The following ACSM2A variants were observed in gnomAD, a reference collection of about 807,000 sequenced individuals.
ACSM2A encodes acyl-coenzyme A synthetase ACSM2A, mitochondrial.
Under a neutral mutation model 76.6 loss-of-function variants are expected in ACSM2A, and 72 were observed. The observed-to-expected ratio is 0.94, with a 90% confidence interval of 0.78 to 1.14. ACSM2A has a LOEUF of 1.14. Ranked by LOEUF, ACSM2A falls within the 50% of genes most tolerant of loss-of-function variation. The probability of loss-of-function intolerance (pLI) is 0.00; values close to 1 mark genes in which losing one functional copy is unlikely to be tolerated. For synonymous variants in ACSM2A, 249 were observed against 255.9 expected (o/e 0.97, Z 0.26); for missense variants, 684 against 708.5 (o/e 0.97, Z 0.39).
At chr16:20,460,561 C>T (rs1448063391) in intron 2 of ACSM2A, among the ~76,000 whole-genome samples, 1 of 151,908 alleles carries the variant, frequency 6.6e-6, no homozygotes, top group African/African-American at 2.4e-5. Context: ...ACTGCACATG[C>T]TCTGTTGTGA....
At chr16:20,470,863 T>A (rs372173011) in intron 4 of ACSM2A, 1 of 758,760 alleles carries the variant, frequency 1.3e-6, no homozygotes. Flanking sequence ...TAAGGTTGCA[T>A]TGATAACAAA....
chr16:20,482,281 C>A (rs1476104570), intron 12 of ACSM2A: 1 of 151,842 alleles, frequency 6.6e-6, no homozygotes, highest in East Asian at 1.9e-4. Context: ...GTATTTGAAT[C>A]AGAGTCTGAT....
At chr16:20,478,285 A>G (rs2013867989) in intron 9 of ACSM2A, among the ~76,000 whole-genome samples, 1 of 152,218 alleles carries the variant, frequency 6.6e-6, no homozygotes, top group South Asian at 2.1e-4. Flanking sequence ...CAGGTGAGGC[A>G]GGTCTCAAAG....
At chr16:20,478,471 C>A in intron 9 of ACSM2A, 105 bp from the exon 10 acceptor site, 1 of 1,369,966 alleles carries the variant, frequency 7.3e-7, no homozygotes, top group Non-Finnish European at 9.9e-7. Context: ...TCAGTCTCCA[C>A]TAGAGCAAGA....
intron 1 of ACSM2A, among the ~76,000 whole-genome samples, chr16:20,459,021 C>T (rs1236386884): frequency 4.7e-5 from 7 of 148,184 alleles, no homozygotes; most frequent in African/African-American, 1.0e-4. Flanking sequence ...TGGAGACCAT[C>T]GTTCAAAGTG....
chr16:20,469,475 C>T lies in ACSM2A; in HGVS notation c.389-37C>T, dbSNP rs1012469251. ...AGGCTTCTCTAGGGACAAAGAAAAT[C>T]ATCCTTTCCAATTCTCTAAATTGTT... On this transcript the variant is annotated intron_variant, in intron 3 of 13. Transcript: ENST00000573854. 8 of 1,610,180 alleles carry T rather than the reference C, an allele frequency of 5.0e-6. No individual in the cohort carries two copies. The African/African-American group carries it at 9.4e-5, about 19-fold the overall frequency.
chr16:20,475,870 C>T (rs377370065), intron 8 of ACSM2A, 97 bp downstream of exon 8: 30 of 1,575,792 alleles, frequency 1.9e-5, no homozygotes, highest in African/African-American at 5.5e-5. Flanking sequence ...TATCATTCAT[C>T]TATTCGAGAA....
At position 20,478,604 on chromosome 16, in the gene ACSM2A, C is replaced by T; in HGVS notation, c.1208C>T (p.Pro403Leu). The part of the protein sequence containing the change: ...QIIDDKGNVL[P>L]PGTEGDIGIR... Reference sequence around the variant, plus strand: ...ATAGATGATAAGGGCAACGTCCTGCCCCCCGGCACAGAAGGAGACATTGGC... The same window carrying T: ...ATAGATGATAAGGGCAACGTCCTGCTCCCCGGCACAGAAGGAGACATTGGC... Residue 403 changes from proline (P) to leucine (L), a missense_variant, in exon 10 of 14, where the codon CCC (proline) becomes CTC (leucine). Pro to Leu is a moderately conservative substitution (Grantham distance 98, BLOSUM62 -3). Transcript: ENST00000573854. The T allele has an allele frequency of 6.2e-7, 1 of 1,613,876 alleles. No individual in the cohort carries two copies. The highest frequency in any genetic ancestry group is 1.1e-5 in the South Asian group (1 of 91,042).
At chr16:20,462,072 G>A (rs1320323068) in intron 2 of ACSM2A, among the ~76,000 whole-genome samples, 7 of 152,138 alleles carry the variant, frequency 4.6e-5, no homozygotes, top group African/African-American at 1.7e-4. Context: ...TCTAGGTAGT[G>A]TCAGTAACTT....
At chr16:20,458,388 GATAAC>G (rs1348495382) in intron 1 of ACSM2A, among the ~76,000 whole-genome samples, 1 of 145,082 alleles carries the variant, frequency 6.9e-6, no homozygotes, top group East Asian at 2.0e-4. Context: ...TATATTTATG[GATAAC>G]ATATCTCCAT....
At chr16:20,470,225 A>G (rs575073437) in intron 4 of ACSM2A, among the ~76,000 whole-genome samples, 6 of 152,290 alleles carry the variant, frequency 3.9e-5, no homozygotes, top group South Asian at 2.1e-4. Context: ...TACTGGAACT[A>G]TGACTCAAAT....
Position 20,471,688 on chromosome 16 carries a change from A to G in ACSM2A, c.893A>G (p.Lys298Arg). The G allele has an allele frequency of 6.2e-7, 1 of 1,606,416 alleles. No individual in the cohort carries two copies. Among genetic ancestry groups the G allele is most frequent in the Non-Finnish European group, 8.5e-7 (1 of 1,175,864 alleles). The change falls in exon 6 of 14, where the codon AAG (lysine) becomes AGG (arginine). Residue 298 changes from lysine to arginine, a missense_variant and splice_region_variant. Physicochemically the swap from Lys to Arg is conservative, Grantham distance 26. Transcript: ENST00000573854. ...AAGTTTGACCCACTGGTTATTCTAAAGGTAAGAGAGGATCCAGTTTGCAGC... is the reference window on the plus strand; with the variant it reads ...AAGTTTGACCCACTGGTTATTCTAAGGGTAAGAGAGGATCCAGTTTGCAGC... ...LPKFDPLVIL[K>R]TLSSYPIKSM...
At position 20,476,012 on chromosome 16, in the gene ACSM2A, G is replaced by T. The variant is rs540468572; in HGVS notation, c.1098+239G>T. The T allele has an allele frequency of 3.2e-5, 35 of 1,104,638 alleles. No individual in the cohort carries two copies. The East Asian group carries it at 1.1e-3, about 36-fold the overall frequency. The allele number at this position is 1,104,638 out of a possible 1,614,324, so 68.4% of individuals were successfully genotyped here. A position where few individuals can be genotyped will look rare whatever the true frequency, so the allele number is the denominator to read the frequency against. ...TTTGGGGAGAGAGAAAATAAACTAA[G>T]AAATATCTAGCATGGCAGGTGGTGA... On this transcript the variant is annotated intron_variant, in intron 8 of 13. Transcript: ENST00000573854.
intron 1 of ACSM2A, among the ~76,000 whole-genome samples, chr16:20,454,714 C>G (rs2012018955): frequency 6.6e-6 from 1 of 151,778 alleles, no homozygotes; most frequent in African/African-American, 2.4e-5. Context: ...TGAGAAGGAA[C>G]CAGGAAAACG....
At position 20,481,077 on chromosome 16, in the gene ACSM2A, C is replaced by T. The variant is rs531771787; in HGVS notation, c.1509+156C>T. ...ATGTGACCTTGGGCAAGCTACTTGG[C>T]CTCTCTGTTTCTCAGTTTCCCCATC... On this transcript the variant is annotated intron_variant, in intron 12 of 13. Coordinates refer to ENST00000573854, the MANE Select transcript of ACSM2A (RefSeq NM_001308172.2). The T allele has an allele frequency of 1.1e-4, 101 of 933,706 alleles. 1 individual carries two copies. The East Asian group carries it at 2.4e-3, about 22-fold the overall frequency. The allele number at this position is 933,706 out of a possible 1,614,324, so 57.8% of individuals were successfully genotyped here. A position where few individuals can be genotyped will look rare whatever the true frequency, so the allele number is the denominator to read the frequency against.
At chr16:20,459,340 T>G (rs768522262) in intron 1 of ACSM2A, among the ~76,000 whole-genome samples, 1 of 152,182 alleles carries the variant, frequency 6.6e-6, no homozygotes, top group Non-Finnish European at 1.5e-5. Context: ...GTGCACTAGA[T>G]GGATAGGACC....
chr16:20,462,733 A>G (rs964675313), intron 2 of ACSM2A, among the ~76,000 whole-genome samples: 2 of 152,134 alleles, frequency 1.3e-5, no homozygotes, highest in African/African-American at 4.8e-5. Context: ...ATGGGTATGT[A>G]AAATGTTACA....
chr16:20,483,308 G>A (rs1449596986), intron 13 of ACSM2A, 131 bp downstream of exon 13: 21 of 1,403,122 alleles, frequency 1.5e-5, no homozygotes, highest in South Asian at 9.3e-5. Context: ...GGCAGCTCAC[G>A]CCTGTAATCC....
In ACSM2A at chr16:20,486,926, T is replaced by TA. The variant is rs1703598551; in HGVS notation, c.*252dup. 1.5e-5 allele frequency: 6 copies of TA among 391,082 alleles called. No individual in the cohort carries two copies. The South Asian group carries it at 3.0e-4, about 20-fold the overall frequency. 24.2% of individuals were successfully genotyped at this position (391,082 alleles called of 1,614,324 possible). A position where few individuals can be genotyped will look rare whatever the true frequency, so the allele number is the denominator to read the frequency against. On this transcript the variant is annotated 3_prime_UTR_variant, in exon 14 of 14. Coordinates refer to ENST00000573854, the MANE Select transcript of ACSM2A (RefSeq NM_001308172.2). ...AAAGAAAAGTAAGTCAGGGAAATAT[T>TA]AAAACTGCAAGGGAAAGCAATTGAA...
Sources: gnomAD v4.1 joint callset for allele counts (sites outside exome capture counted in the v4.1 genomes callset) on GRCh38, gnomAD v4.1.1 for gene constraint, MANE v1.5 for transcripts, NCBI Gene and HGNC (gene_info 2026-07-23, HGNC 2026-07-21) for gene names.